SLC35F4: variants seen among roughly 807,000 people sequenced by gnomAD.
SLC35F4 encodes the protein chromosome 14 open reading frame 36.
SLC35F4 carries 24 observed loss-of-function variants against 44.2 expected under a neutral mutation model. The observed-to-expected ratio is 0.54, with a 90% CI of 0.39 to 0.76. SLC35F4 has a LOEUF of 0.76. Among genes scored for constraint, SLC35F4 ranks in the 30% least tolerant of loss-of-function variants. The pLI, the probability that SLC35F4 is intolerant of heterozygous loss-of-function variation, is 0.00. For missense variants in SLC35F4, 562 were observed against 586.1 expected (o/e 0.96, Z 0.42); for synonymous variants, 238 against 223.6 (o/e 1.06, Z -0.57).
chr14:57,571,266 A>G (rs1207044672), intron 5 of SLC35F4, among the ~76,000 whole-genome samples: 1 of 152,190 alleles, frequency 6.6e-6, no homozygotes, highest in Non-Finnish European at 1.5e-5. Context: ...ATGACTCCGA[A>G]TAGAATTTTC....
At chr14:57,701,466 TATTATC>T (rs561952473) in intron 1 of SLC35F4, among the ~76,000 whole-genome samples, 79 of 152,356 alleles carry the variant, frequency 5.2e-4, no homozygotes, top group Middle Eastern at 3.4e-3. Context: ...CACAGTCATT[TATTATC>T]ATTATCAAGT....
intron 1 of SLC35F4, among the ~76,000 whole-genome samples, chr14:57,709,111 A>G (rs945379892): frequency 6.6e-6 from 1 of 152,140 alleles, no homozygotes; most frequent in African/African-American, 2.4e-5. Flanking sequence ...GGCAGGCCCA[A>G]CTGATGGCAG....
intron 1 of SLC35F4, among the ~76,000 whole-genome samples, chr14:57,945,159 G>A (rs574181423): frequency 7.9e-5 from 12 of 151,988 alleles, no homozygotes; most frequent in African/African-American, 2.7e-4. Context: ...TTCTTTTAAA[G>A]AGCCTCTCTG....
At chr14:57,644,834 C>T (rs1286918731) in intron 1 of SLC35F4, among the ~76,000 whole-genome samples, 1 of 152,188 alleles carries the variant, frequency 6.6e-6, no homozygotes, top group African/African-American at 2.4e-5. Context: ...CAGCTTACTA[C>T]ATGTGGCTAG....
intron 5 of SLC35F4, 83 bp downstream of exon 5, chr14:57,571,811 T>C: frequency 6.7e-7 from 1 of 1,485,568 alleles, no homozygotes; most frequent in Non-Finnish European, 9.0e-7. Flanking sequence ...TTCTAATCAA[T>C]GATTACATCG....
At chr14:57,617,144 T>TTTTTG in intron 1 of SLC35F4, among the ~76,000 whole-genome samples, 1 of 141,802 alleles carries the variant, frequency 7.1e-6, no homozygotes, top group South Asian at 2.4e-4. Context: ...TTTTTTTTTT[T>TTTTTG]TTTTGAGACA....
chr14:57,653,040 C>T (rs2073841976), intron 1 of SLC35F4, among the ~76,000 whole-genome samples: 2 of 152,190 alleles, frequency 1.3e-5, no homozygotes, highest in Admixed American at 1.3e-4. Context: ...ACAAGCAACC[C>T]CTTCAGACTG....
intron 1 of SLC35F4, among the ~76,000 whole-genome samples, chr14:57,769,695 G>A (rs1950996): frequency 0.46 from 70,222 of 151,988 alleles, 16,341 homozygotes; most frequent in South Asian, 0.55. Context: ...ATCATCCCCT[G>A]CTACAGGGCC....
chr14:57,780,159 T>C (rs1277850941), intron 1 of SLC35F4, among the ~76,000 whole-genome samples: 2 of 152,150 alleles, frequency 1.3e-5, no homozygotes, highest in South Asian at 2.1e-4. Flanking sequence ...TGTTTGCAGA[T>C]GACATGATTC....
intron 1 of SLC35F4, among the ~76,000 whole-genome samples, chr14:57,776,132 A>G (rs926265943): frequency 6.6e-6 from 1 of 152,246 alleles, no homozygotes; most frequent in Non-Finnish European, 1.5e-5. Context: ...AAAACCTCCA[A>G]GAAATATGGG....
At chr14:57,746,092 G>A (rs1223652153) in intron 1 of SLC35F4, among the ~76,000 whole-genome samples, 2 of 152,086 alleles carry the variant, frequency 1.3e-5, no homozygotes, top group Non-Finnish European at 2.9e-5. Context: ...ATGGAGTGGG[G>A]GGCAGGGGGA....
rs79497381 is a variant in SLC35F4, at chr14:57,861,078, C to T, written c.103+4645G>A. 4.9e-3 allele frequency among the ~76,000 whole-genome samples: 744 copies of T among 152,270 alleles called. 7 individuals carry two copies. Among genetic ancestry groups the T allele is most frequent in the African/African-American group, 0.017 (696 of 41,544 alleles). ...TAAATTTGTGACCAAAAACTTTAAA[C>T]GGACCCTTAAGGCTGCCAGACAACC... On this transcript the variant is annotated intron_variant, in intron 1 of 7. Coordinates refer to ENST00000556826, the MANE Select transcript of SLC35F4 (RefSeq NM_001306087.2).
chr14:57,765,571 G>A (rs1390566572), intron 1 of SLC35F4, among the ~76,000 whole-genome samples: 1 of 152,142 alleles, frequency 6.6e-6, no homozygotes, highest in Non-Finnish European at 1.5e-5. Flanking sequence ...CCTACAAAAT[G>A]TAACATTACA....
At chr14:57,683,066 G>T (rs1259394963) in intron 1 of SLC35F4, among the ~76,000 whole-genome samples, 1 of 147,484 alleles carries the variant, frequency 6.8e-6, no homozygotes, top group East Asian at 2.0e-4. Context: ...TTAATCTCAA[G>T]TATTTTTTAG....
chr14:57,642,215 G>A (rs537947449), intron 1 of SLC35F4, among the ~76,000 whole-genome samples: 2 of 151,890 alleles, frequency 1.3e-5, no homozygotes, highest in Admixed American at 6.6e-5. Context: ...CTAATTAACC[G>A]TGGTTGCAAT....
chr14:57,835,743 C>T (rs1174168523), intron 1 of SLC35F4, among the ~76,000 whole-genome samples: 1 of 152,188 alleles, frequency 6.6e-6, no homozygotes, highest in African/African-American at 2.4e-5. Context: ...TGATCACCCA[C>T]GAACACCTCT....
At chr14:57,772,405 A>C (rs55661663) in intron 1 of SLC35F4, among the ~76,000 whole-genome samples, 2 of 151,764 alleles carry the variant, frequency 1.3e-5, no homozygotes, top group Admixed American at 6.6e-5. Context: ...TAGGGGGTAC[A>C]TGTGCTTGTT....
intron 1 of SLC35F4, among the ~76,000 whole-genome samples, chr14:57,676,343 C>A (rs2074692036): frequency 6.6e-6 from 1 of 152,080 alleles, no homozygotes; most frequent in Non-Finnish European, 1.5e-5. Context: ...GAAAACCAAA[C>A]ACCACATGTT....
intron 1 of SLC35F4, among the ~76,000 whole-genome samples, chr14:57,675,499 C>T (rs2074662922): frequency 6.6e-6 from 1 of 151,890 alleles, no homozygotes; most frequent in African/African-American, 2.4e-5. Context: ...TTTAGATGCC[C>T]TTTATTTCTT....
Sources: gnomAD v4.1 joint callset for allele counts (sites outside exome capture counted in the v4.1 genomes callset) on GRCh38, gnomAD v4.1.1 for gene constraint, MANE v1.5 for transcripts, NCBI Gene and HGNC (gene_info 2026-07-23, HGNC 2026-07-21) for gene names.